DNAJC6: variants seen among roughly 807,000 people sequenced by gnomAD.
DNAJC6 encodes DnaJ heat shock protein family (Hsp40) member C6, also known as auxilin.
A neutral mutation model predicts 110.0 loss-of-function variants in DNAJC6; 34 were observed. The observed-to-expected ratio is 0.31, with a 90% CI of 0.24 to 0.41. The LOEUF (loss-of-function observed/expected upper bound fraction) is 0.41. Among genes scored for constraint, DNAJC6 ranks in the 10% least tolerant of loss-of-function variants. The pLI is 1.00. For synonymous variants in DNAJC6, 406 were observed against 437.2 expected (o/e 0.93, Z 0.89); for missense variants, 1,031 against 1,207.8 (o/e 0.85, Z 2.17).
chr1:65,316,930 T>A (rs1227520502), intron 1 of DNAJC6, among the ~76,000 whole-genome samples: 8 of 152,220 alleles, frequency 5.3e-5, no homozygotes, highest in Non-Finnish European at 1.2e-4. Flanking sequence ...GGTCACTTTT[T>A]TTTTTTTAGC....
exon 1 of DNAJC6, chr1:65,264,793 T>G: frequency 6.5e-7 from 1 of 1,529,720 alleles, no homozygotes; most frequent in Non-Finnish European, 8.8e-7. Flanking sequence ...GCCCGAGTGC[T>G]CCTCCGTTGA....
intron 1 of DNAJC6, among the ~76,000 whole-genome samples, chr1:65,300,818 G>T (rs1358498978): frequency 1.3e-5 from 2 of 152,188 alleles, no homozygotes; most frequent in African/African-American, 2.4e-5. Flanking sequence ...AGCACCCTAA[G>T]AATTTGTTCC....
intron 1 of DNAJC6, among the ~76,000 whole-genome samples, chr1:65,288,423 A>C (rs1654090745): frequency 6.6e-6 from 1 of 152,246 alleles, no homozygotes; most frequent in African/African-American, 2.4e-5. Context: ...AGCATATGAA[A>C]GTAAGAACAT....
intron 2 of DNAJC6, 126 bp from the exon 3 acceptor site, chr1:65,365,759 G>A: frequency 3.0e-6 from 3 of 995,180 alleles, no homozygotes; most frequent in Admixed American, 4.4e-5. Context: ...GAGAAGGGCT[G>A]GAGGGGAGTC....
At chr1:65,289,557 C>T (rs1654131071) in intron 1 of DNAJC6, among the ~76,000 whole-genome samples, 2 of 152,126 alleles carry the variant, frequency 1.3e-5, no homozygotes, top group South Asian at 4.1e-4. Flanking sequence ...TTTGAATTTT[C>T]ATGATGACTG....
intron 1 of DNAJC6, among the ~76,000 whole-genome samples, chr1:65,350,091 C>G (rs1375341000): frequency 6.6e-6 from 1 of 152,050 alleles, no homozygotes; most frequent in Non-Finnish European, 1.5e-5. Flanking sequence ...AATTTTTTTC[C>G]ACCAAATATT....
chr1:65,337,602 G>A (rs1228430195), intron 1 of DNAJC6, among the ~76,000 whole-genome samples: 2 of 151,672 alleles, frequency 1.3e-5, no homozygotes, highest in Non-Finnish European at 2.9e-5. Flanking sequence ...CCACATCTGT[G>A]GATTCAACCA....
At chr1:65,404,697 A>G (rs1646058829) in intron 15 of DNAJC6, among the ~76,000 whole-genome samples, 1 of 152,190 alleles carries the variant, frequency 6.6e-6, no homozygotes, top group South Asian at 2.1e-4. Context: ...GTATCTATAG[A>G]AAGAAGAGAT....
At position 65,300,043 on chromosome 1, in the gene DNAJC6, CAAAAAA is replaced by C. The variant is rs59681451; in HGVS notation, c.-131+35126_-131+35131del. The stretch of plus-strand genomic sequence containing the variant: ...CAACAAGAGTGTGAAAACTCCATCT[CAAAAAA>C]AAAAAAAAAAAAAAGAAAAAAAGTC... On this transcript the variant is annotated intron_variant, in intron 1 of 19. Transcript: ENST00000263441. 3.6e-3 allele frequency among the ~76,000 whole-genome samples: 405 copies of C among 112,004 alleles called. 6 individuals are homozygous for C. The South Asian group carries it at 0.043, about 12-fold the overall frequency. The allele number at this position is 112,004 out of a possible 152,430, so 73.5% of individuals were successfully genotyped here. A position where few individuals can be genotyped will look rare whatever the true frequency, so the allele number is the denominator to read the frequency against.
intron 4 of DNAJC6, among the ~76,000 whole-genome samples, chr1:65,375,661 C>T (rs894874247): frequency 1.3e-5 from 2 of 151,368 alleles, no homozygotes; most frequent in African/African-American, 2.4e-5. Context: ...TTCCTGACCT[C>T]GTGATCCGCC....
chr1:65,381,379 C>T (rs2101592818), intron 5 of DNAJC6, among the ~76,000 whole-genome samples: 1 of 152,046 alleles, frequency 6.6e-6, no homozygotes, highest in East Asian at 1.9e-4. Flanking sequence ...GAAACCCCAT[C>T]TCTACCAAAA....
At position 65,394,522 on chromosome 1, in the gene DNAJC6, T is replaced by C. The variant is rs9436286; in HGVS notation, c.1904-376T>C. On this transcript the variant is annotated intron_variant, in intron 12 of 18. Coordinates refer to ENST00000371069, the MANE Select transcript of DNAJC6 (RefSeq NM_001256864.2). Reference sequence around the variant, plus strand: ...GCTCTTGTCTTGTGGTGTTGGGCAGTTTTAGTTATTGGAGAATGCCCCTAG... The same window carrying C: ...GCTCTTGTCTTGTGGTGTTGGGCAGCTTTAGTTATTGGAGAATGCCCCTAG... 6.5e-3 allele frequency among the ~76,000 whole-genome samples: 996 copies of C among 152,322 alleles called. 9 individuals are homozygous for C. Among genetic ancestry groups the C allele is most frequent in the African/African-American group, 0.023 (960 of 41,560 alleles).
At chr1:65,314,676 C>T (rs1266360552) in intron 1 of DNAJC6, among the ~76,000 whole-genome samples, 2 of 152,064 alleles carry the variant, frequency 1.3e-5, no homozygotes, top group East Asian at 1.9e-4. Flanking sequence ...TTAGAAAAGA[C>T]GGAGTTTCGC....
upstream of DNAJC6, among the ~76,000 whole-genome samples, chr1:65,308,716 T>G (rs770135919): frequency 6.6e-6 from 1 of 152,176 alleles, no homozygotes. Context: ...TCTATCTTGC[T>G]TCCCAAGCAG....
At chr1:65,327,734 C>T (rs1478953862) in intron 1 of DNAJC6, among the ~76,000 whole-genome samples, 1 of 152,060 alleles carries the variant, frequency 6.6e-6, no homozygotes, top group Non-Finnish European at 1.5e-5. Flanking sequence ...TTGAAACTGC[C>T]TAAAATGTCC....
intron 1 of DNAJC6, 29 bp from the exon 2 acceptor site, chr1:65,364,602 TTTTG>T (rs746781372): frequency 4.2e-5 from 66 of 1,572,254 alleles, no homozygotes; most frequent in East Asian, 1.8e-4. Flanking sequence ...CCATCACCAT[TTTTG>T]TTTGTTTGTT....
chr1:65,264,987 C>T, intron 1 of DNAJC6: 1 of 1,542,930 alleles, frequency 6.5e-7, no homozygotes, highest in Non-Finnish European at 8.9e-7. Context: ...CTAAAAGATG[C>T]TAGGGATGCG....
upstream of DNAJC6, among the ~76,000 whole-genome samples, chr1:65,307,002 CTCTCTCTCTCTCTCTCTA>C (rs1357755517): frequency 3.9e-3 from 433 of 111,252 alleles, 2 homozygotes; most frequent in Admixed American, 6.4e-3. Flanking sequence ...CTCTCTCTCT[CTCTCTCTCTCTCTCTCTA>C]TATATATATA....
At chr1:65,310,864 G>T (rs2375701) in intron 1 of DNAJC6, among the ~76,000 whole-genome samples, 4 of 151,968 alleles carry the variant, frequency 2.6e-5, no homozygotes, top group African/African-American at 9.7e-5. Flanking sequence ...CTCAGTGGTT[G>T]GTTCTACACT....
Sources: allele counts gnomAD v4.1 joint callset (sites outside exome capture counted in the v4.1 genomes callset), GRCh38; gene constraint gnomAD v4.1.1; transcripts MANE v1.5; gene names NCBI Gene and HGNC (gene_info 2026-07-23, HGNC 2026-07-21).